Variants in SLC1A2 observed in about 807,000 individuals in gnomAD.
SLC1A2 encodes the protein excitatory amino acid transporter 2.
In SLC1A2, 15 loss-of-function variants were observed where a neutral mutation model predicts 48.8. The ratio of observed to expected loss-of-function variants is 0.31; its 90% confidence interval spans 0.21 to 0.47. The LOEUF (loss-of-function observed/expected upper bound fraction) is 0.47, where lower values mean the gene tolerates loss of function less well. SLC1A2 is among the 20% of genes least tolerant of loss of function. The pLI is 0.99. For synonymous variants in SLC1A2, 279 were observed against 272.6 expected (o/e 1.02, Z -0.23); for missense variants, 502 against 730.5 (o/e 0.69, Z 3.61).
chr11:35,310,315 C>G (rs577057114), intron 4 of SLC1A2, among the ~76,000 whole-genome samples: 5 of 152,324 alleles, frequency 3.3e-5, no homozygotes, highest in African/African-American at 1.2e-4. Context: ...ATGGATAGCA[C>G]CCAATCGTGT....
chr11:35,349,944 G>A (rs1303503838), intron 1 of SLC1A2, among the ~76,000 whole-genome samples: 4 of 152,236 alleles, frequency 2.6e-5, no homozygotes. Context: ...CACGGGCTCC[G>A]AGACAGAGAG....
intron 1 of SLC1A2, among the ~76,000 whole-genome samples, chr11:35,381,058 AT>A (rs1268808112): frequency 1.3e-5 from 2 of 152,198 alleles, no homozygotes; most frequent in African/African-American, 4.8e-5. Context: ...CAATTATGAG[AT>A]TTTTTTAAGA....
At position 35,372,267 on chromosome 11, in the gene SLC1A2, C is replaced by CT. The variant is rs576277978; in HGVS notation, c.17+46682dup. 1.3e-4 allele frequency among the ~76,000 whole-genome samples: 20 copies of CT among 152,370 alleles called. No individual in the cohort carries two copies. In the South Asian group the frequency reaches 3.7e-3, roughly 28 times the overall value. ...TTTCAGCTGGACCAGACCCTCCTCA[C>CT]TTACAGAGCCTTCATCAACAAATCA... On this transcript the variant is annotated intron_variant, in intron 1 of 10. Coordinates refer to ENST00000278379, the MANE Select transcript of SLC1A2 (RefSeq NM_004171.4).
At chr11:35,285,160 T>C (rs1216070449) in intron 8 of SLC1A2, among the ~76,000 whole-genome samples, 1 of 152,256 alleles carries the variant, frequency 6.6e-6, no homozygotes, top group East Asian at 1.9e-4. Flanking sequence ...TGTCTTTTTT[T>C]GAGTCACAGT....
At chr11:35,313,393 A>G (rs907361318) in intron 3 of SLC1A2, among the ~76,000 whole-genome samples, 1 of 152,210 alleles carries the variant, frequency 6.6e-6, no homozygotes, top group Non-Finnish European at 1.5e-5. Context: ...CACTTCATCT[A>G]TACCTAGGGA....
At chr11:35,404,599 A>T (rs1354418663) in intron 1 of SLC1A2, 1 of 152,226 alleles carries the variant, frequency 6.6e-6, no homozygotes, top group Non-Finnish European at 1.5e-5. Flanking sequence ...CCTGGGAAAG[A>T]GGTAATTTGC....
chr11:35,327,804 G>T lies in SLC1A2; in HGVS notation c.18-10288C>A, dbSNP rs114098788. Among the ~76,000 whole-genome samples the T allele has an allele frequency of 5.7e-3, 865 of 152,312 alleles. 7 individuals are homozygous for T. Among genetic ancestry groups the T allele is most frequent in the African/African-American group, 0.02 (811 of 41,566 alleles). Reference sequence around the variant, plus strand: ...GAAGCTCCAGAAGATTCTGAAACTTGCCCAAGCTCATGAAGCTTGGAAGTA... The same window carrying T: ...GAAGCTCCAGAAGATTCTGAAACTTTCCCAAGCTCATGAAGCTTGGAAGTA... On this transcript the variant is annotated intron_variant, in intron 1 of 10. Transcript: ENST00000278379.
At chr11:35,285,060 G>C (rs983019102) in intron 8 of SLC1A2, among the ~76,000 whole-genome samples, 3 of 152,184 alleles carry the variant, frequency 2.0e-5, no homozygotes, top group African/African-American at 7.2e-5. Context: ...GTTTGAAGTG[G>C]GAGAAAGAGG....
At chr11:35,272,346 CAG>C (rs1278193430) in intron 9 of SLC1A2, among the ~76,000 whole-genome samples, 2 of 152,206 alleles carry the variant, frequency 1.3e-5, no homozygotes, top group Admixed American at 1.3e-4. Flanking sequence ...ATCTGTTAAA[CAG>C]AAAGCTGTCA....
At chr11:35,261,414 T>G (rs1453089503) in intron 10 of SLC1A2, among the ~76,000 whole-genome samples, 1 of 152,238 alleles carries the variant, frequency 6.6e-6, no homozygotes, top group African/African-American at 2.4e-5. Context: ...GTGTCTAATT[T>G]TTAAATCAGA....
chr11:35,347,055 CT>C (rs1003344317), intron 1 of SLC1A2, among the ~76,000 whole-genome samples: 36 of 152,166 alleles, frequency 2.4e-4, no homozygotes, highest in African/African-American at 7.7e-4. Flanking sequence ...TGACAGTTAA[CT>C]ACTTTAAAAA....
chr11:35,330,092 C>T (rs4083482), intron 1 of SLC1A2, among the ~76,000 whole-genome samples: 7,132 of 152,268 alleles, frequency 0.047, 205 homozygotes, highest in East Asian at 0.1. Flanking sequence ...CACTTAATCA[C>T]GACACTTACA....
chr11:35,362,512 A>G (rs138859713), intron 1 of SLC1A2, among the ~76,000 whole-genome samples: 132 of 152,342 alleles, frequency 8.7e-4, no homozygotes, highest in African/African-American at 3.0e-3. Context: ...AACATCTGTG[A>G]ACCTCAAATA....
chr11:35,331,330 CTTGTGCAGTTCTTTA>C (rs1852418706), intron 1 of SLC1A2, among the ~76,000 whole-genome samples: 1 of 152,174 alleles, frequency 6.6e-6, no homozygotes. Flanking sequence ...TCCCAGAGGA[CTTGTGCAGTTCTTTA>C]CTTTGGTTCC....
intron 6 of SLC1A2, among the ~76,000 whole-genome samples, chr11:35,293,407 A>G (rs1851073099): frequency 6.6e-6 from 1 of 152,228 alleles, no homozygotes; most frequent in African/African-American, 2.4e-5. Flanking sequence ...AATTTATCTT[A>G]TATAAACTGA....
chr11:35,286,088 TC>T (rs1209115469), intron 8 of SLC1A2: 1 of 152,210 alleles, frequency 6.6e-6, no homozygotes. Context: ...GTAGGTGTGA[TC>T]TTTAAGTTTA....
At chr11:35,371,376 C>G (rs1354099071) in intron 1 of SLC1A2, among the ~76,000 whole-genome samples, 35 of 152,336 alleles carry the variant, frequency 2.3e-4, no homozygotes, top group Admixed American at 2.3e-3. Flanking sequence ...ACTGATTGTT[C>G]TCACTCTTCA....
chr11:35,419,085 C>T lies in SLC1A2; in HGVS notation c.-119G>A. 3.6e-6 allele frequency: 3 copies of T among 842,608 alleles called. No homozygotes were observed. Among genetic ancestry groups the T allele is most frequent in the Non-Finnish European group, 3.7e-6 (2 of 547,800 alleles). The allele number at this position is 842,608 out of a possible 1,614,324, so 52.2% of individuals were successfully genotyped here. On this transcript the variant is annotated 5_prime_UTR_variant, in exon 1 of 11. Coordinates refer to ENST00000278379, the MANE Select transcript of SLC1A2 (RefSeq NM_004171.4). This position sits in a 1 kb window ranked among gnomAD's most constrained non-coding sequence, Gnocchi z 5.4. The stretch of plus-strand genomic sequence containing the variant: ...AGCGGTATTTAAGAGGAGCCTCTGC[C>T]CGCCCTTCCACCCGCCTCCGGGGTA...
intron 9 of SLC1A2, among the ~76,000 whole-genome samples, chr11:35,279,785 C>G (rs1850564553): frequency 6.6e-6 from 1 of 152,182 alleles, no homozygotes; most frequent in Non-Finnish European, 1.5e-5. Context: ...ATTTAACTTT[C>G]AAGGTTGTTA....
Sources: gnomAD v4.1 joint callset for allele counts (sites outside exome capture counted in the v4.1 genomes callset) on GRCh38, gnomAD v4.1.1 for gene constraint, Gnocchi (gnomAD v3.1) non-coding constraint, MANE v1.5 for transcripts, NCBI Gene and HGNC (gene_info 2026-07-23, HGNC 2026-07-21) for gene names.